The following GSK3B variants were observed in gnomAD, a reference collection of about 807,000 sequenced individuals.
GSK3B encodes glycogen synthase kinase-3 beta.
Under a neutral mutation model 56.4 loss-of-function variants are expected in GSK3B, and 15 were observed. That is an observed-to-expected ratio of 0.27 (90% CI 0.18 to 0.41). The LOEUF is 0.41. Among genes scored for constraint, GSK3B ranks in the 10% least tolerant of loss-of-function variants. GSK3B has a pLI of 1.00. For synonymous variants in GSK3B, 181 were observed against 188.9 expected, an observed-to-expected ratio of 0.96 and a Z score of 0.34; for missense variants, 300 against 513.4, an observed-to-expected ratio of 0.58 and a Z score of 4.02.
At chr3:119,930,080 TACACACACACAC>T (rs71619762) in intron 3 of GSK3B, among the ~76,000 whole-genome samples, 172 of 133,592 alleles carry the variant, frequency 1.3e-3, no homozygotes, top group East Asian at 6.6e-3. Context: ...TTCTGTCTCC[TACACACACACAC>T]ACACACACAC....
chr3:120,043,621 G>A (rs181114450), intron 1 of GSK3B, among the ~76,000 whole-genome samples: 3 of 152,196 alleles, frequency 2.0e-5, no homozygotes, highest in East Asian at 1.9e-4. Context: ...CCAGAGATCC[G>A]GGCTGGACCT....
In GSK3B at chr3:120,093,830, A is replaced by T. The variant is rs1327038699; in HGVS notation, c.-396T>A. ...ATTTTCCTCGGGGATTTTTTTTCCG[A>T]GTCAATGAAGAAGGGAAGCGGCGGA... is the stretch of plus-strand genomic sequence containing the variant. On this transcript the variant is annotated 5_prime_UTR_variant, in exon 1 of 11. Transcript: ENST00000264235. The T allele has an allele frequency of 9.8e-6, 2 of 204,114 alleles. No individual in the cohort carries two copies. The highest frequency in any genetic ancestry group is 2.0e-5 in the Non-Finnish European group (2 of 99,840). 12.6% of individuals were successfully genotyped at this position (204,114 alleles called of 1,614,324 possible).
At chr3:119,955,328 A>G (rs544566074) in intron 2 of GSK3B, among the ~76,000 whole-genome samples, 3 of 152,108 alleles carry the variant, frequency 2.0e-5, no homozygotes, top group South Asian at 2.1e-4. Flanking sequence ...AGGTACATGG[A>G]TATTTTGTTC....
At chr3:120,007,372 T>C (rs2057738869) in intron 1 of GSK3B, among the ~76,000 whole-genome samples, 1 of 151,882 alleles carries the variant, frequency 6.6e-6, no homozygotes, top group Admixed American at 6.6e-5. Context: ...ACTGTTCCAA[T>C]CAATAGAAAA....
chr3:119,999,871 T>C (rs933515399), intron 2 of GSK3B, among the ~76,000 whole-genome samples: 1 of 152,072 alleles, frequency 6.6e-6, no homozygotes, highest in Non-Finnish European at 1.5e-5. Context: ...CTGGAGAAAA[T>C]GGAAGACTAT....
chr3:119,918,623 C>A (rs2056805617), intron 4 of GSK3B, among the ~76,000 whole-genome samples: 1 of 152,112 alleles, frequency 6.6e-6, no homozygotes. Context: ...CCAAGAAAAG[C>A]ATTTCTGCCT....
intron 9 of GSK3B, among the ~76,000 whole-genome samples, chr3:119,844,124 A>G (rs1012490712): frequency 2.0e-5 from 3 of 152,224 alleles, no homozygotes; most frequent in Non-Finnish European, 2.9e-5. Flanking sequence ...TTCGAAACCA[A>G]TGAGAACAAA....
chr3:119,899,833 A>T (rs1182223811), intron 7 of GSK3B, among the ~76,000 whole-genome samples: 1 of 152,076 alleles, frequency 6.6e-6, no homozygotes, highest in African/African-American at 2.4e-5. Flanking sequence ...CCTTAATTCT[A>T]TTCTCCATTG....
chr3:120,050,122 C>T (rs929119295), intron 1 of GSK3B, among the ~76,000 whole-genome samples: 4 of 152,286 alleles, frequency 2.6e-5, no homozygotes, highest in Non-Finnish European at 4.4e-5. Context: ...AATCTGGCGG[C>T]ATCCTGGCTT....
intron 2 of GSK3B, among the ~76,000 whole-genome samples, chr3:119,990,269 C>A (rs1303937267): frequency 1.3e-5 from 2 of 152,066 alleles, no homozygotes; most frequent in South Asian, 4.2e-4. Context: ...CAGAGAGATT[C>A]TAACCCCACC....
intron 2 of GSK3B, among the ~76,000 whole-genome samples, chr3:119,993,835 CTA>C (rs1363681666): frequency 6.6e-6 from 1 of 152,214 alleles, no homozygotes; most frequent in Non-Finnish European, 1.5e-5. Context: ...GTTCTACTGG[CTA>C]AGGGGATCTA....
At chr3:119,893,611 T>C (rs1336514687) in intron 7 of GSK3B, among the ~76,000 whole-genome samples, 1 of 152,136 alleles carries the variant, frequency 6.6e-6, no homozygotes, top group Non-Finnish European at 1.5e-5. Flanking sequence ...AAAGTATTTA[T>C]TTAAACTAGA....
chr3:119,869,242 A>AAAAAAAAAC (rs2056223621), intron 8 of GSK3B, among the ~76,000 whole-genome samples: 1 of 150,986 alleles, frequency 6.6e-6, no homozygotes, highest in Non-Finnish European at 1.5e-5. Context: ...AAAAAAAAAA[A>AAAAAAAAAC]AAAACATATA....
At chr3:120,046,435 T>C (rs1392301745) in intron 1 of GSK3B, among the ~76,000 whole-genome samples, 2 of 152,102 alleles carry the variant, frequency 1.3e-5, no homozygotes, top group Admixed American at 6.5e-5. Flanking sequence ...AGGGATTATA[T>C]AGGCTCACTC....
chr3:119,824,379 G>A lies in GSK3B; in HGVS notation c.*2409C>T. On this transcript the variant is annotated 3_prime_UTR_variant, in exon 11 of 11. Transcript: ENST00000264235. ...CACACATGCACACACAATGAAATGA[G>A]AGAAAAGCGTGACTTTTCTCTCTTC... 1 of 222,272 alleles carries A rather than the reference G, an allele frequency of 4.5e-6. No individual in the cohort carries two copies. The allele number at this position is 222,272 out of a possible 1,614,324, so 13.8% of individuals were successfully genotyped here.
intron 10 of GSK3B, among the ~76,000 whole-genome samples, chr3:119,828,047 C>G (rs770372603): frequency 1.3e-5 from 2 of 151,952 alleles, no homozygotes; most frequent in Non-Finnish European, 2.9e-5. Context: ...TTACACATTC[C>G]ATGTCTATAT....
intron 3 of GSK3B, among the ~76,000 whole-genome samples, chr3:119,946,782 A>T (rs979619816): frequency 5.3e-5 from 8 of 152,164 alleles, no homozygotes; most frequent in Non-Finnish European, 1.0e-4. Context: ...TAAGCTCTGC[A>T]ATATTACATC....
chr3:119,926,254 G>T (rs571331129), intron 3 of GSK3B, among the ~76,000 whole-genome samples: 10 of 151,920 alleles, frequency 6.6e-5, no homozygotes, highest in Admixed American at 2.6e-4. Context: ...ATCCAACTGT[G>T]TATCTGGTAT....
At chr3:119,912,567 C>T in intron 6 of GSK3B, 137 bp downstream of exon 6, 2 of 448,116 alleles carry the variant, frequency 4.5e-6, no homozygotes, top group Non-Finnish European at 8.1e-6. Context: ...ATGTTTGCAT[C>T]TCAAGCTTTA....
Sources: gnomAD v4.1 joint callset for allele counts (sites outside exome capture counted in the v4.1 genomes callset) on GRCh38, gnomAD v4.1.1 for gene constraint, MANE v1.5 for transcripts, NCBI Gene and HGNC (gene_info 2026-07-23, HGNC 2026-07-21) for gene names.